Variants in CUX1 observed in about 807,000 individuals in gnomAD.
The protein encoded by CUX1 is cut like homeobox 1.
In CUX1, 31 loss-of-function variants were observed where a neutral mutation model predicts 158.8. The ratio of observed to expected loss-of-function variants is 0.20; its 90% confidence interval spans 0.15 to 0.26. The LOEUF is 0.26. Among genes scored for constraint, CUX1 ranks in the 10% least tolerant of loss-of-function variants. The pLI is 1.00. For missense variants in CUX1, 1,589 were observed against 2,014.6 expected (o/e 0.79, Z 4.04); for synonymous variants, 879 against 862.1 (o/e 1.02, Z -0.34).
chr7:101,992,451 A>G (rs1224905458), intron 2 of CUX1, among the ~76,000 whole-genome samples: 1 of 152,194 alleles, frequency 6.6e-6, no homozygotes, highest in African/African-American at 2.4e-5. Context: ...GGTGTCAGCT[A>G]ACGAGACTGT....
At chr7:102,099,718 C>G (rs1481759363) in intron 5 of CUX1, among the ~76,000 whole-genome samples, 1 of 152,062 alleles carries the variant, frequency 6.6e-6, no homozygotes, top group African/African-American at 2.4e-5. Context: ...TGTGTACCAC[C>G]GTGCCCAGCC....
intron 7 of CUX1, among the ~76,000 whole-genome samples, chr7:102,112,382 C>T (rs1187144007): frequency 6.8e-6 from 1 of 146,202 alleles, no homozygotes; most frequent in Non-Finnish European, 1.5e-5. Flanking sequence ...GCTGGGGCTA[C>T]AGGCGCCCAC....
chr7:102,166,440 G>T (rs1791044043), intron 9 of CUX1, among the ~76,000 whole-genome samples: 1 of 152,186 alleles, frequency 6.6e-6, no homozygotes, highest in African/African-American at 2.4e-5. Flanking sequence ...GAGTCCGGCG[G>T]TGACCACAGG....
At chr7:101,874,983 G>A (rs1016179279) in intron 1 of CUX1, among the ~76,000 whole-genome samples, 2 of 152,126 alleles carry the variant, frequency 1.3e-5, no homozygotes, top group Non-Finnish European at 1.5e-5. Context: ...GGGACCCACC[G>A]CGCGCTGGCC....
At chr7:102,203,273 A>ACC (rs1350116793) in intron 18 of CUX1, among the ~76,000 whole-genome samples, 2 of 152,050 alleles carry the variant, frequency 1.3e-5, no homozygotes, top group African/African-American at 4.8e-5. Context: ...AAGGAGAAGC[A>ACC]CCCCTCTCCC....
chr7:101,916,581 A>T lies in CUX1; in HGVS notation c.141+356A>T, dbSNP rs1040284481. The T allele has an allele frequency of 3.2e-5, 8 of 246,638 alleles. No homozygotes were observed. The East Asian group carries it at 7.2e-4, about 22-fold the overall frequency. 15.3% of individuals were successfully genotyped at this position (246,638 alleles called of 1,614,324 possible). ...GTCAGTTAGCAAGCCACCAAAGTCC[A>T]TAAGGGATCCTGTGGGGTGGAAGGT... On this transcript the variant is annotated intron_variant, in intron 2 of 23. Transcript: ENST00000292535. This position sits in a 1 kb window ranked among gnomAD's most constrained non-coding sequence, Gnocchi z 4.4.
chr7:101,912,636 C>T (rs1332283859), intron 1 of CUX1, among the ~76,000 whole-genome samples: 4 of 152,206 alleles, frequency 2.6e-5, no homozygotes, highest in Non-Finnish European at 4.4e-5. Context: ...TCTTCTGTAT[C>T]CCTCTGGAGA....
rs201129301 is a variant in CUX1, at chr7:101,887,301, CT to C, written c.31-28805del. Among the ~76,000 whole-genome samples, 762 of 151,488 alleles carry C rather than the reference CT, an allele frequency of 5.0e-3. 12 individuals carry two copies. The highest frequency in any genetic ancestry group is 6.8e-3 in the Non-Finnish European group (461 of 67,816). Reference sequence around the variant, plus strand: ...TATCTGTTTTTCTTTTCTTTTGAAACTTTTTTTTTCTTTCTTTTTTTTTAGA... The same window carrying C: ...TATCTGTTTTTCTTTTCTTTTGAAACTTTTTTTTCTTTCTTTTTTTTTAGA... On this transcript the variant is annotated intron_variant, in intron 1 of 23. Coordinates refer to ENST00000292535, the MANE Select transcript of CUX1 (RefSeq NM_181552.4).
Position 102,248,788 on chromosome 7 carries a change from A to G in CUX1, c.4264A>G (p.Thr1422Ala), listed in dbSNP as rs1474572136. Reference sequence around the variant, plus strand: ...GCCCGCGGCCCCCGAGGACGCCGCTACCTCAGCCGCCGCCGCGCCGGGGGA... The same window carrying G: ...GCCCGCGGCCCCCGAGGACGCCGCTGCCTCAGCCGCCGCCGCGCCGGGGGA... The part of the protein sequence containing the change: ...AAPAAPEDAA[T>A]SAAAAPGEGP... The change falls in exon 24 of 24, where the codon ACC (threonine) becomes GCC (alanine). Residue 1422 changes from threonine to alanine, a missense_variant. Transcript: ENST00000292535. This position sits in a 1 kb window ranked among gnomAD's most constrained non-coding sequence, Gnocchi z 5.8. 7 of 1,065,554 alleles carry G rather than the reference A, an allele frequency of 6.6e-6. No homozygotes were observed. Among genetic ancestry groups the G allele is most frequent in the Non-Finnish European group, 7.9e-6 (7 of 880,928 alleles). 66.0% of individuals were successfully genotyped at this position (1,065,554 alleles called of 1,614,324 possible). A position where few individuals can be genotyped will look rare whatever the true frequency, so the allele number is the denominator to read the frequency against.
rs1189242966 is a variant in CUX1, at chr7:102,216,513, C to T, written c.3131-10854C>T. On this transcript the variant is annotated intron_variant, in intron 20 of 23. Transcript: ENST00000292535. Reference sequence around the variant, plus strand: ...GAAAAAGAGGGCGTGCGTGTGTGCGCGCACACACACACTCTCCCCCCCACA... The same window carrying T: ...GAAAAAGAGGGCGTGCGTGTGTGCGTGCACACACACACTCTCCCCCCCACA... Among the ~76,000 whole-genome samples the T allele has an allele frequency of 1.9e-4, 16 of 83,552 alleles. No individual in the cohort carries two copies. In the East Asian group the frequency reaches 4.3e-3, roughly 22 times the overall value. 54.8% of individuals were successfully genotyped at this position (83,552 alleles called of 152,430 possible).
intron 6 of CUX1, among the ~76,000 whole-genome samples, chr7:102,109,481 A>G (rs1384880632): frequency 6.6e-6 from 1 of 152,286 alleles, no homozygotes; most frequent in Non-Finnish European, 1.5e-5. Context: ...GTTTTTCACT[A>G]TCTATCAAAA....
At chr7:101,878,597 C>T (rs993917036) in intron 1 of CUX1, among the ~76,000 whole-genome samples, 8 of 152,044 alleles carry the variant, frequency 5.3e-5, no homozygotes, top group South Asian at 2.1e-4. Flanking sequence ...AAAACAGATC[C>T]TTTTCAATAC....
chr7:101,836,619 A>G (rs1465494128), intron 1 of CUX1, among the ~76,000 whole-genome samples: 3 of 147,848 alleles, frequency 2.0e-5, no homozygotes, highest in Non-Finnish European at 4.4e-5. Flanking sequence ...AGGCGGGTGC[A>G]TCACCTGAGG....
At chr7:102,198,706 G>T (rs1795065223) in intron 15 of CUX1, 96 bp from the exon 16 acceptor site, 1 of 1,098,880 alleles carries the variant, frequency 9.1e-7, no homozygotes, top group Non-Finnish European at 1.4e-6. Flanking sequence ...CCTTTCTTTA[G>T]TGACAGGCGG....
chr7:102,230,111 TTGTC>T (rs2132385202), intron 21 of CUX1, among the ~76,000 whole-genome samples: 1 of 152,196 alleles, frequency 6.6e-6, no homozygotes, highest in Admixed American at 6.5e-5. Flanking sequence ...TGGTTGCAGT[TTGTC>T]TGCTGCTCAT....
chr7:102,194,182 A>G (rs1042085583), intron 13 of CUX1: 4 of 427,606 alleles, frequency 9.4e-6, no homozygotes, highest in Non-Finnish European at 1.7e-5. Flanking sequence ...CCAAAAAGCA[A>G]ATTATCTTTA....
chr7:101,884,328 T>G (rs1639013261), intron 1 of CUX1, among the ~76,000 whole-genome samples: 2 of 152,226 alleles, frequency 1.3e-5, no homozygotes, highest in African/African-American at 2.4e-5. Flanking sequence ...CCTACAGTCT[T>G]ATTGATAATG....
chr7:102,177,618 G>C (rs1464113045), intron 10 of CUX1, among the ~76,000 whole-genome samples: 4 of 151,992 alleles, frequency 2.6e-5, no homozygotes, highest in East Asian at 3.9e-4. Context: ...CCTGCCTGGA[G>C]CACTCTTCCC....
At chr7:101,824,080 T>C (rs1391005920) in intron 1 of CUX1, among the ~76,000 whole-genome samples, 1 of 152,214 alleles carries the variant, frequency 6.6e-6, no homozygotes, top group Non-Finnish European at 1.5e-5. Flanking sequence ...ACAGAACGAA[T>C]ATCAACTCTT....
Sources: gnomAD v4.1 joint callset for allele counts (sites outside exome capture counted in the v4.1 genomes callset) on GRCh38, gnomAD v4.1.1 for gene constraint, Gnocchi (gnomAD v3.1) non-coding constraint, MANE v1.5 for transcripts, NCBI Gene and HGNC (gene_info 2026-07-23, HGNC 2026-07-21) for gene names.